Variants in MFSD6 observed in about 807,000 individuals in gnomAD.
MFSD6 encodes the protein major facilitator superfamily domain-containing protein 6.
A neutral mutation model predicts 56.3 loss-of-function variants in MFSD6; 26 were observed. The ratio of observed to expected loss-of-function variants is 0.46; its 90% CI spans 0.34 to 0.64. The LOEUF (loss-of-function observed/expected upper bound fraction) is 0.64. MFSD6 is among the 30% of genes least tolerant of loss of function. The pLI, the probability that MFSD6 is intolerant of heterozygous loss-of-function variation, is 0.01. For synonymous variants in MFSD6, 331 were observed against 366.9 expected (o/e 0.90, Z 1.12); for missense variants, 750 against 986.2 (o/e 0.76, Z 3.21).
Position 190,469,727 on chromosome 2 carries a change from T to A in MFSD6, c.1533-31T>A, listed in dbSNP as rs553674192. 3.8e-3 allele frequency: 4,685 copies of A among 1,235,478 alleles called. 10 individuals carry two copies. Among genetic ancestry groups the A allele is most frequent in the Non-Finnish European group, 4.5e-3 (4,256 of 952,392 alleles). 76.5% of individuals were successfully genotyped at this position (1,235,478 alleles called of 1,614,324 possible). ...CAGTTTATTTTCCTTTGCTTTTTTT[T>A]ATTTTATTTTTATTTTTTATTTTTT... On this transcript the variant is annotated intron_variant, in intron 3 of 7. Coordinates refer to ENST00000392328, the MANE Select transcript of MFSD6 (RefSeq NM_017694.4). This position sits in a 1 kb window ranked among gnomAD's most constrained non-coding sequence, Gnocchi z 5.3.
rs144820948 is a variant in MFSD6, at chr2:190,494,010, G to C, written c.1892-3429G>C. On this transcript the variant is annotated intron_variant, in intron 6 of 7. Transcript: ENST00000392328. The surrounding 1 kb of genome is among the most constrained non-coding windows in gnomAD (Gnocchi z 5.7). ...AGAAGAAAGGAAATAACCAAGATGA[G>C]AGAATAACTAAATGAAATTGAAGGA... 8.1e-3 allele frequency among the ~76,000 whole-genome samples: 1,223 copies of C among 151,298 alleles called. 23 individuals are homozygous for C. The highest frequency in any genetic ancestry group is 0.027 in the African/African-American group (1,106 of 41,228).
rs1686220146 is a variant in MFSD6 at position 190,437,524 on chromosome 2, T to G, written c.1495T>G (p.Phe499Val). ...TGTGTCTGAGCTGACAGCATATTTT[T>G]TTAGTCACAAGCTTATTGAATTGAT... ...SHVSELTAYFFSHKLIELIGH... is the reference protein window; with the variant it reads ...SHVSELTAYFVSHKLIELIGH... Residue 499 changes from phenylalanine to valine, a missense_variant, in exon 3 of 8, where the codon TTT becomes GTT. By Grantham distance (50) the Phe-to-Val change is conservative (BLOSUM62 -1). Around this residue, in one of 5 missense-constraint regions of MFSD6, gnomAD observed 125 missense variants for 223.1 expected, o/e 0.56. Coordinates refer to ENST00000392328, the MANE Select transcript of MFSD6 (RefSeq NM_017694.4). This position sits in a 1 kb window ranked among gnomAD's most constrained non-coding sequence, Gnocchi z 5.9. 1 of 1,614,146 alleles carries G rather than the reference T, an allele frequency of 6.2e-7. No homozygotes were observed. The highest frequency in any genetic ancestry group is 2.2e-5 in the East Asian group (1 of 44,890).
Position 190,444,572 on chromosome 2 carries a change from C to T in MFSD6, c.1532+7011C>T, listed in dbSNP as rs116401740. The stretch of plus-strand genomic sequence containing the variant: ...TGTAGGGGAGATTTTATGGTTCCAT[C>T]GAAGTCATCATTCTCCACAACTCAG... On this transcript the variant is annotated intron_variant, in intron 3 of 7. Transcript: ENST00000392328. Among the ~76,000 whole-genome samples the T allele has an allele frequency of 7.7e-3, 1,179 of 152,198 alleles. 12 individuals are homozygous for T. Among genetic ancestry groups the T allele is most frequent in the African/African-American group, 0.026 (1,086 of 41,514 alleles).
rs1689850889 is a variant in MFSD6 at position 190,498,760 on chromosome 2, A to G, written c.2172+1041A>G. ...TTTTAATATCTGCTGCTTGAGTAGC[A>G]ATATTTTCATTACTTTGTGTACTCA... On this transcript the variant is annotated intron_variant, in intron 7 of 7. Coordinates refer to ENST00000392328, the MANE Select transcript of MFSD6 (RefSeq NM_017694.4). The surrounding 1 kb of genome is among the most constrained non-coding windows in gnomAD (Gnocchi z 5.9). 6.6e-6 allele frequency among the ~76,000 whole-genome samples: 1 copy of G among 152,206 alleles called. No individual in the cohort carries two copies. The highest frequency in any genetic ancestry group is 1.5e-5 in the Non-Finnish European group (1 of 68,038).
rs1690030744 is a variant in MFSD6 at position 190,501,641 on chromosome 2, G to T, written c.*1423G>T. On this transcript the variant is annotated 3_prime_UTR_variant, in exon 8 of 8. Coordinates refer to ENST00000392328, the MANE Select transcript of MFSD6 (RefSeq NM_017694.4). ...TGACCCTGATTAGACAGGATCAATT[G>T]TAAAGTGAGGGCTTCTCCATGACAC... 6.6e-6 allele frequency: 1 copy of T among 152,556 alleles called. No individual in the cohort carries two copies. The highest frequency in any genetic ancestry group is 2.1e-4 in the South Asian group (1 of 4,828). The allele number at this position is 152,556 out of a possible 1,614,324, so 9.5% of individuals were successfully genotyped here. A position where few individuals can be genotyped will look rare whatever the true frequency, so the allele number is the denominator to read the frequency against.
At position 190,457,838 on chromosome 2, in the gene MFSD6, G is replaced by A. The variant is rs1687122525; in HGVS notation, c.1533-11920G>A. Reference sequence around the variant, plus strand: ...CCTGGATGCCACCACCTTGGCCAGCGTGCAGCATATGCCCCGCCATGCTGC... The same window carrying A: ...CCTGGATGCCACCACCTTGGCCAGCATGCAGCATATGCCCCGCCATGCTGC... On this transcript the variant is annotated intron_variant, in intron 3 of 7. Transcript: ENST00000392328. This position sits in a 1 kb window ranked among gnomAD's most constrained non-coding sequence, Gnocchi z 5.1. Among the ~76,000 whole-genome samples the A allele has an allele frequency of 6.6e-6, 1 of 152,130 alleles. No homozygotes were observed. The highest frequency in any genetic ancestry group is 6.5e-5 in the Admixed American group (1 of 15,270).
At position 190,465,139 on chromosome 2, in the gene MFSD6, T is replaced by C. The variant is rs1417125167; in HGVS notation, c.1533-4619T>C. Among the ~76,000 whole-genome samples the C allele has an allele frequency of 1.3e-5, 2 of 152,172 alleles. No homozygotes were observed. Among genetic ancestry groups the C allele is most frequent in the African/African-American group, 4.8e-5 (2 of 41,452 alleles). On this transcript the variant is annotated intron_variant, in intron 3 of 7. Coordinates refer to ENST00000392328, the MANE Select transcript of MFSD6 (RefSeq NM_017694.4). The surrounding 1 kb of genome is among the most constrained non-coding windows in gnomAD (Gnocchi z 4.6). ...TATAAGAAATTAGAATCTGTAACAATTTTTTTCTCCTACTCTTGTAGTTTG... is the reference window on the plus strand; with the variant it reads ...TATAAGAAATTAGAATCTGTAACAACTTTTTTCTCCTACTCTTGTAGTTTG...
chr2:190,453,807 C>T (rs1442611964), intron 3 of MFSD6, among the ~76,000 whole-genome samples: 1 of 152,170 alleles, frequency 6.6e-6, no homozygotes, highest in Non-Finnish European at 1.5e-5. Context: ...ACTTAGGTGT[C>T]ACTGTCTGTG....
chr2:190,439,712 G>A lies in MFSD6; in HGVS notation c.1532+2151G>A, dbSNP rs950786354. On this transcript the variant is annotated intron_variant, in intron 3 of 7. Coordinates refer to ENST00000392328, the MANE Select transcript of MFSD6 (RefSeq NM_017694.4). This position sits in a 1 kb window ranked among gnomAD's most constrained non-coding sequence, Gnocchi z 5.8. Reference sequence around the variant, plus strand: ...TTTCTTGTTTAATAATGTGATGGAAGAAGATGGCTGTTATGGTCATATTGC... The same window carrying A: ...TTTCTTGTTTAATAATGTGATGGAAAAAGATGGCTGTTATGGTCATATTGC... 4.6e-5 allele frequency among the ~76,000 whole-genome samples: 7 copies of A among 152,336 alleles called. No homozygotes were observed. The highest frequency in any genetic ancestry group is 1.0e-4 in the Non-Finnish European group (7 of 68,028).
chr2:190,429,564 G>A (rs1347445622), intron 2 of MFSD6, among the ~76,000 whole-genome samples: 3 of 151,908 alleles, frequency 2.0e-5, no homozygotes, highest in African/African-American at 7.3e-5. Flanking sequence ...TTGATCTCAG[G>A]TGATCCTCCC....
Position 190,433,934 on chromosome 2 carries a change from T to TG in MFSD6, c.-53-2043_-53-2042insG, listed in dbSNP as rs1686088657. ...GGCAGGGTGCAGTGGTTCACGCCTG[T>TG]AATCCCAGCACTTTGGGAGGCTGAG... is the stretch of plus-strand genomic sequence containing the variant. On this transcript the variant is annotated intron_variant, in intron 2 of 7. Coordinates refer to ENST00000392328, the MANE Select transcript of MFSD6 (RefSeq NM_017694.4). This position sits in a 1 kb window ranked among gnomAD's most constrained non-coding sequence, Gnocchi z 4.5. Among the ~76,000 whole-genome samples, 1 of 152,182 alleles carries TG rather than the reference T, an allele frequency of 6.6e-6. No individual in the cohort carries two copies. Among genetic ancestry groups the TG allele is most frequent in the Non-Finnish European group, 1.5e-5 (1 of 68,026 alleles).
chr2:190,451,673 G>A lies in MFSD6; in HGVS notation c.1532+14112G>A, dbSNP rs1042435597. On this transcript the variant is annotated intron_variant, in intron 3 of 7. Coordinates refer to ENST00000392328, the MANE Select transcript of MFSD6 (RefSeq NM_017694.4). The surrounding 1 kb of genome is among the most constrained non-coding windows in gnomAD (Gnocchi z 5.0). ...CTTTCCCTGAGGAAGTGGCATTTGA[G>A]CAGAGTCCTGAATGGAAGCCCCCAG... Among the ~76,000 whole-genome samples, 3 of 152,206 alleles carry A rather than the reference G, an allele frequency of 2.0e-5. No individual in the cohort carries two copies. The highest frequency in any genetic ancestry group is 7.2e-5 in the African/African-American group (3 of 41,452).
In MFSD6 at chr2:190,491,481, A is replaced by G. The variant is rs1158773636; in HGVS notation, c.1891+1615A>G. Among the ~76,000 whole-genome samples the G allele has an allele frequency of 6.6e-6, 1 of 152,230 alleles. No homozygotes were observed. The highest frequency in any genetic ancestry group is 2.4e-5 in the African/African-American group (1 of 41,460). On this transcript the variant is annotated intron_variant, in intron 6 of 7. Coordinates refer to ENST00000392328, the MANE Select transcript of MFSD6 (RefSeq NM_017694.4). The surrounding 1 kb of genome is among the most constrained non-coding windows in gnomAD (Gnocchi z 4.2). ...GAGACCTAAAGATGGTTCACATCAC[A>G]GGACTCTATGCAGACAACCCCAGTA... is the stretch of plus-strand genomic sequence containing the variant.
rs944639474 is a variant in MFSD6 at position 190,497,047 on chromosome 2, A to C, written c.1892-392A>C. On this transcript the variant is annotated intron_variant, in intron 6 of 7. Coordinates refer to ENST00000392328, the MANE Select transcript of MFSD6 (RefSeq NM_017694.4). The surrounding 1 kb of genome is among the most constrained non-coding windows in gnomAD (Gnocchi z 5.2). ...ACCAAATACCACCTGTTCCCCAAAA[A>C]CCTGTGGGAATAAAACATTTTTTAA... 6.6e-6 allele frequency among the ~76,000 whole-genome samples: 1 copy of C among 152,124 alleles called. No individual in the cohort carries two copies. Among genetic ancestry groups the C allele is most frequent in the African/African-American group, 2.4e-5 (1 of 41,404 alleles).
In MFSD6 at chr2:190,491,651, T is replaced by C. The variant is rs1388784123; in HGVS notation, c.1891+1785T>C. ...GGGAACACCCTGTGGGACAAAAGAA[T>C]TGAACAGCAGCCTTGAGTGCCAGCC... On this transcript the variant is annotated intron_variant, in intron 6 of 7. Coordinates refer to ENST00000392328, the MANE Select transcript of MFSD6 (RefSeq NM_017694.4). This position sits in a 1 kb window ranked among gnomAD's most constrained non-coding sequence, Gnocchi z 4.2. Among the ~76,000 whole-genome samples the C allele has an allele frequency of 1.3e-5, 2 of 152,180 alleles. No homozygotes were observed. Among genetic ancestry groups the C allele is most frequent in the Non-Finnish European group, 2.9e-5 (2 of 68,024 alleles).
chr2:190,487,095 C>A lies in MFSD6; in HGVS notation c.1631-1562C>A, dbSNP rs1689054578. ...GGGTGCAGTGGCTCACTAATCCCAG[C>A]ACTTTGAGAGGCTGAGGCAGGTGGA... On this transcript the variant is annotated intron_variant, in intron 4 of 7. Coordinates refer to ENST00000392328, the MANE Select transcript of MFSD6 (RefSeq NM_017694.4). This position sits in a 1 kb window ranked among gnomAD's most constrained non-coding sequence, Gnocchi z 5.5. Among the ~76,000 whole-genome samples the A allele has an allele frequency of 6.6e-6, 1 of 152,134 alleles. No homozygotes were observed. Among genetic ancestry groups the A allele is most frequent in the Non-Finnish European group, 1.5e-5 (1 of 68,036 alleles).
In MFSD6 at chr2:190,410,202, T is replaced by G. The variant is rs946970336; in HGVS notation, c.-176+1699T>G. Among the ~76,000 whole-genome samples the G allele has an allele frequency of 6.6e-6, 1 of 152,192 alleles. No individual in the cohort carries two copies. Among genetic ancestry groups the G allele is most frequent in the South Asian group, 2.1e-4 (1 of 4,830 alleles). On this transcript the variant is annotated intron_variant, in intron 1 of 7. Coordinates refer to ENST00000392328, the MANE Select transcript of MFSD6 (RefSeq NM_017694.4). This position sits in a 1 kb window ranked among gnomAD's most constrained non-coding sequence, Gnocchi z 4.4. Reference sequence around the variant, plus strand: ...TATTAACAGTATTAAGGCATTTTTTTGGGTACTTATTATGTTCAAGACACC... The same window carrying G: ...TATTAACAGTATTAAGGCATTTTTTGGGGTACTTATTATGTTCAAGACACC...
Position 190,485,818 on chromosome 2 carries a change from C to A in MFSD6, c.1631-2839C>A, listed in dbSNP as rs1452340625. ...TCTTACTAGTTAAAAAAAAAAAAAA[C>A]CTAGTTAAAATGATGACTGAAACAT... On this transcript the variant is annotated intron_variant, in intron 4 of 7. Coordinates refer to ENST00000392328, the MANE Select transcript of MFSD6 (RefSeq NM_017694.4). The surrounding 1 kb of genome is among the most constrained non-coding windows in gnomAD (Gnocchi z 5.1). 6.6e-6 allele frequency among the ~76,000 whole-genome samples: 1 copy of A among 150,430 alleles called. No individual in the cohort carries two copies. Among genetic ancestry groups the A allele is most frequent in the Non-Finnish European group, 1.5e-5 (1 of 67,616 alleles).
intron 4 of MFSD6, among the ~76,000 whole-genome samples, chr2:190,486,950 T>G (rs1689045638): frequency 6.6e-6 from 1 of 152,232 alleles, no homozygotes; most frequent in Non-Finnish European, 1.5e-5. Context: ...TTTTTCCACC[T>G]GTTATCTCTG....
Sources: gnomAD v4.1 joint callset for allele counts (sites outside exome capture counted in the v4.1 genomes callset) on GRCh38, gnomAD v4.1.1 for gene constraint, gnomAD v4.1.1 regional missense constraint, Gnocchi (gnomAD v3.1) non-coding constraint, MANE v1.5 for transcripts, NCBI Gene and HGNC (gene_info 2026-07-23, HGNC 2026-07-21) for gene names.